CD109: variants seen among roughly 807,000 people sequenced by gnomAD.
The protein encoded by CD109 is CD109 molecule.
CD109 carries 149 observed loss-of-function variants against 165.8 expected under a neutral mutation model. The observed-to-expected ratio is 0.90, with a 90% CI of 0.79 to 1.03. The LOEUF (loss-of-function observed/expected upper bound fraction) is 1.03, where lower values mean the gene tolerates loss of function less well. Among genes scored for constraint, CD109 ranks in the 50% least tolerant of loss-of-function variants. CD109 has a pLI of 0.00. For missense variants in CD109, 1,712 were observed against 1,677.8 expected (o/e 1.02, Z -0.36); for synonymous variants, 585 against 592.1 (o/e 0.99, Z 0.18).
chr6:73,818,359 T>C (rs1454279695), intron 30 of CD109, 29 bp from the exon 31 acceptor site: 2 of 1,612,482 alleles, frequency 1.2e-6, no homozygotes, highest in Admixed American at 1.7e-5. Flanking sequence ...TCCTGAGGAG[T>C]TTTCATTCAT....
intron 5 of CD109, among the ~76,000 whole-genome samples, chr6:73,746,411 A>T (rs562408470): frequency 6.6e-6 from 1 of 152,300 alleles, no homozygotes; most frequent in South Asian, 2.1e-4. Flanking sequence ...TATTCAGTAC[A>T]AACCTGTAGC....
chr6:73,797,758 C>T (rs773209527), intron 23 of CD109, among the ~76,000 whole-genome samples: 32 of 152,178 alleles, frequency 2.1e-4, no homozygotes, highest in Admixed American at 7.2e-4. Flanking sequence ...TGAAATTTTA[C>T]ATTCATGGTT....
chr6:73,701,500 C>A (rs1032069353), intron 2 of CD109, among the ~76,000 whole-genome samples: 3 of 151,908 alleles, frequency 2.0e-5, no homozygotes, highest in African/African-American at 7.3e-5. Flanking sequence ...TTTTCTCTTT[C>A]CTTACTGTGA....
In CD109 at chr6:73,766,024, A is replaced by G. The variant is rs1773829303; in HGVS notation, c.1202A>G (p.Tyr401Cys). Residue 401 changes from tyrosine to cysteine, a missense_variant, in exon 11 of 33, where the codon TAC becomes TGC. Physicochemically the swap from Tyr to Cys is radical, Grantham distance 194. Transcript: ENST00000287097. Reference protein sequence around the residue: ...ITVTQRNYTEYWSGSNSGNQK... With the variant: ...ITVTQRNYTECWSGSNSGNQK... ...GTGACACAGAGAAACTATACTGAGT[A>G]CTGGAGCGGATCTAACAGTGGAAAT... The G allele has an allele frequency of 1.2e-6, 2 of 1,613,864 alleles. No individual in the cohort carries two copies. The highest frequency in any genetic ancestry group is 1.7e-6 in the Non-Finnish European group (2 of 1,179,850).
At chr6:73,767,139 A>G in intron 13 of CD109, 129 bp downstream of exon 13, 1 of 733,848 alleles carries the variant, frequency 1.4e-6, no homozygotes, top group Non-Finnish European at 2.3e-6. Context: ...TGTTGTACAG[A>G]TTATTTCATC....
At chr6:73,764,907 A>G (rs1773777528) in intron 10 of CD109, among the ~76,000 whole-genome samples, 1 of 151,842 alleles carries the variant, frequency 6.6e-6, no homozygotes, top group African/African-American at 2.4e-5. Context: ...GTAGTTTCTG[A>G]TTTCAATGAT....
intron 29 of CD109, among the ~76,000 whole-genome samples, chr6:73,814,423 T>TACAGGCAC (rs1423221913): frequency 6.6e-6 from 1 of 152,140 alleles, no homozygotes; most frequent in Non-Finnish European, 1.5e-5. Flanking sequence ...CTACGGCACC[T>TACAGGCAC]TTAACATCAG....
intron 2 of CD109, among the ~76,000 whole-genome samples, chr6:73,720,743 G>A (rs1443899558): frequency 1.3e-5 from 2 of 152,150 alleles, no homozygotes; most frequent in East Asian, 1.9e-4. Context: ...AAAGATCCAG[G>A]ACAAATGCTA....
At chr6:73,783,609 T>C (rs919768713) in intron 18 of CD109, 98 bp from the exon 19 acceptor site, 22 of 737,928 alleles carry the variant, frequency 3.0e-5, no homozygotes, top group Admixed American at 2.4e-4. Context: ...ATAGGAAAAA[T>C]TGAAATTCTT....
intron 23 of CD109, among the ~76,000 whole-genome samples, chr6:73,798,283 T>G (rs1299886134): frequency 6.6e-6 from 1 of 151,970 alleles, no homozygotes; most frequent in Non-Finnish European, 1.5e-5. Flanking sequence ...CCTGGCTAAT[T>G]TTTGTATTTT....
At chr6:73,804,907 C>A (rs759113789) in intron 24 of CD109, among the ~76,000 whole-genome samples, 1 of 152,188 alleles carries the variant, frequency 6.6e-6, no homozygotes, top group South Asian at 2.1e-4. Flanking sequence ...AAATGCTCAT[C>A]ATCACTGGCC....
At chr6:73,808,304 T>G in intron 26 of CD109, 56 bp downstream of exon 26, 1 of 1,540,394 alleles carries the variant, frequency 6.5e-7, no homozygotes, top group Non-Finnish European at 8.7e-7. Flanking sequence ...ATAACTTACA[T>G]GAGAAAAATT....
chr6:73,791,292 A>G (rs932930470), intron 22 of CD109, among the ~76,000 whole-genome samples: 4 of 147,510 alleles, frequency 2.7e-5, no homozygotes, highest in Admixed American at 6.8e-5. Context: ...TGAACTTCTG[A>G]GCTCATGTAG....
chr6:73,784,875 TA>T (rs1562066583), intron 19 of CD109, among the ~76,000 whole-genome samples: 1 of 152,238 alleles, frequency 6.6e-6, no homozygotes, highest in East Asian at 1.9e-4. Context: ...TGTCCCACAC[TA>T]GAACAGGGGC....
chr6:73,743,873 C>T (rs1772880789), intron 5 of CD109, among the ~76,000 whole-genome samples: 1 of 152,154 alleles, frequency 6.6e-6, no homozygotes, highest in African/African-American at 2.4e-5. Flanking sequence ...ACTCTTACTT[C>T]CTTGTTCAGT....
intron 24 of CD109, among the ~76,000 whole-genome samples, chr6:73,806,151 G>C (rs544302990): frequency 1.1e-3 from 163 of 152,274 alleles, no homozygotes; most frequent in African/African-American, 3.6e-3. Flanking sequence ...AGAAAATGTG[G>C]CACATATACA....
chr6:73,683,297 C>T, the CD109 span, among the ~76,000 whole-genome samples: 1 of 152,334 alleles, frequency 6.6e-6, no homozygotes, highest in Middle Eastern at 3.4e-3. Context: ...AATCATCTCT[C>T]TCTAGTTCAA....
chr6:73,771,341 T>G, intron 14 of CD109, 88 bp from the exon 15 acceptor site: 1 of 994,620 alleles, frequency 1.0e-6, no homozygotes, highest in Non-Finnish European at 1.5e-6. Flanking sequence ...GTAGAATCTT[T>G]GCTATATTTT....
At chr6:73,706,756 C>G (rs962330680) in intron 2 of CD109, among the ~76,000 whole-genome samples, 3 of 152,076 alleles carry the variant, frequency 2.0e-5, no homozygotes, top group African/African-American at 7.2e-5. Flanking sequence ...ATCCGAAAAC[C>G]AGACTGGTAA....
Sources: gnomAD v4.1 joint callset for allele counts (sites outside exome capture counted in the v4.1 genomes callset) on GRCh38, gnomAD v4.1.1 for gene constraint, MANE v1.5 for transcripts, NCBI Gene and HGNC (gene_info 2026-07-23, HGNC 2026-07-21) for gene names.